The following CSRP3 variants were observed in gnomAD, a reference collection of about 807,000 sequenced individuals.
CSRP3 encodes the protein cysteine and glycine rich protein 3.
In CSRP3, 24 loss-of-function variants were observed where a neutral mutation model predicts 24.3. The ratio of observed to expected loss-of-function variants is 0.99; its 90% CI spans 0.71 to 1.39. The LOEUF (loss-of-function observed/expected upper bound fraction) is 1.39, where lower values mean the gene tolerates loss of function less well. CSRP3 is among the 40% of genes most tolerant of loss of function. CSRP3 has a pLI of 0.00. For synonymous variants in CSRP3, 105 were observed against 94.0 expected, an observed-to-expected ratio of 1.12 and a Z score of -0.68; for missense variants, 240 against 249.0, an observed-to-expected ratio of 0.96 and a Z score of 0.24.
chr11:19,188,351 C>T (rs1283315353), intron 2 of CSRP3, 47 bp from the exon 3 acceptor site: 1 of 1,602,460 alleles, frequency 6.2e-7, no homozygotes, highest in African/African-American at 1.3e-5. Context: ...AAATCCTTCT[C>T]CCCTTCTTTG....
chr11:19,183,166 A>AAATAAT (rs113201988), intron 5 of CSRP3, among the ~76,000 whole-genome samples: 122,620 of 149,806 alleles, frequency 0.82, 50,007 homozygotes, highest in Non-Finnish European at 0.88. Context: ...TCAAGAATAA[A>AAATAAT]AATAATAAAA....
chr11:19,192,583 A>G, intron 1 of CSRP3, 107 bp from the exon 2 acceptor site: 1 of 722,584 alleles, frequency 1.4e-6, no homozygotes, highest in South Asian at 1.5e-5. Context: ...ATTTTTTTTT[A>G]GTGTTTCATT....
At position 19,186,363 on chromosome 11, in the gene CSRP3, C is replaced by T. The variant is rs752833206; in HGVS notation, c.282-15G>A. Reference sequence around the variant, plus strand: ...GCTTTGGGGACCTGTTGGAAATAGACGAATGAATGAAACGTAGATTTCCCT... The same window carrying T: ...GCTTTGGGGACCTGTTGGAAATAGATGAATGAATGAAACGTAGATTTCCCT... On this transcript the variant is annotated splice_polypyrimidine_tract_variant and intron_variant, in intron 3 of 5. Transcript: ENST00000265968. 2.0e-5 allele frequency: 33 copies of T among 1,614,110 alleles called. No homozygotes were observed. The highest frequency in any genetic ancestry group is 2.5e-5 in the Non-Finnish European group (29 of 1,180,016).
chr11:19,185,031 G>C lies in CSRP3; in HGVS notation c.429C>G (p.Thr143=). Residue 143 remains threonine, a synonymous_variant, in exon 5 of 6, where the codon ACC becomes ACG. Transcript: ENST00000265968. ...VMGGGKPWHK[T]CFRCAICGKS... Reference sequence around the variant, plus strand: ...TCCCACAGATGGCACAGCGGAAACAGGTCTTGTGCCAAGGCTGAGGGGCAC... The same window carrying C: ...TCCCACAGATGGCACAGCGGAAACACGTCTTGTGCCAAGGCTGAGGGGCAC... 6.2e-7 allele frequency: 1 copy of C among 1,614,134 alleles called. No homozygotes were observed. The highest frequency in any genetic ancestry group is 8.5e-7 in the Non-Finnish European group (1 of 1,179,926).
chr11:19,182,496 A>G lies in CSRP3; in HGVS notation c.*174T>C, dbSNP rs45597034. 1.0e-3 allele frequency: 688 copies of G among 664,986 alleles called. 3 individuals carry two copies. The African/African-American group carries it at 0.011, about 11-fold the overall frequency. The allele number at this position is 664,986 out of a possible 1,614,324, so 41.2% of individuals were successfully genotyped here. A position where few individuals can be genotyped will look rare whatever the true frequency, so the allele number is the denominator to read the frequency against. On this transcript the variant is annotated 3_prime_UTR_variant, in exon 6 of 6. Transcript: ENST00000265968. The stretch of plus-strand genomic sequence containing the variant: ...ATTTGTTATAGATTAAACTTTACAT[A>G]ATTTTCTTCCAAAGGCCTCTTCTAA...
At chr11:19,184,595 T>G (rs11025048) in intron 5 of CSRP3, among the ~76,000 whole-genome samples, 11,208 of 152,248 alleles carry the variant, frequency 0.074, 488 homozygotes, top group Admixed American at 0.095. Flanking sequence ...GTTTCGATTT[T>G]TGGAAGGGGG....
At chr11:19,187,364 C>T (rs986081653) in intron 3 of CSRP3, among the ~76,000 whole-genome samples, 1 of 152,216 alleles carries the variant, frequency 6.6e-6, no homozygotes, top group Admixed American at 6.5e-5. Flanking sequence ...GGGGGAGGCC[C>T]TCCATGGGAC....
Position 19,189,249 on chromosome 11 carries a change from C to T in CSRP3, c.113-945G>A, listed in dbSNP as rs534698255. 3.3e-5 allele frequency among the ~76,000 whole-genome samples: 5 copies of T among 152,284 alleles called. No homozygotes were observed. In the South Asian group the frequency reaches 8.3e-4, roughly 25 times the overall value. On this transcript the variant is annotated intron_variant, in intron 2 of 5. Transcript: ENST00000265968. ...CAGCTCACTTTCACTTCTATCTGTA[C>T]GTTTAAAGAGGCAGCCCTGTTTTAT...
chr11:19,192,220 C>T, intron 2 of CSRP3, 117 bp downstream of exon 2: 1 of 758,046 alleles, frequency 1.3e-6, no homozygotes, highest in Non-Finnish European at 2.4e-6. Flanking sequence ...AATGCTGATG[C>T]TGCTTGTCCC....
chr11:19,192,415 C>T lies in CSRP3; in HGVS notation c.34G>A (p.Ala12Thr). 1 of 1,614,194 alleles carries T rather than the reference C, an allele frequency of 6.2e-7. No individual in the cohort carries two copies. The highest frequency in any genetic ancestry group is 1.1e-5 in the South Asian group (1 of 91,088). Reference sequence around the variant, plus strand: ...GCATGGTAGACGGTCTTTTCACAGGCTCCACATTTTGCGCCTCCGCCCCAG... The same window carrying T: ...GCATGGTAGACGGTCTTTTCACAGGTTCCACATTTTGCGCCTCCGCCCCAG... Reference protein sequence around the residue: ...PNWGGGAKCGACEKTVYHAEE... With the variant: ...PNWGGGAKCGTCEKTVYHAEE... The change falls in exon 2 of 6, where the codon GCC (alanine) becomes ACC (threonine). Residue 12 changes from alanine to threonine, a missense_variant. Coordinates refer to ENST00000265968, the MANE Select transcript of CSRP3 (RefSeq NM_003476.5).
Position 19,188,322 on chromosome 11 carries a change from G to T in CSRP3, c.113-18C>A. ...GCAGGCCACTGCCAGGAAAAGGAAG[G>T]GTCATGGGATTGGAATTGAAATCCT... On this transcript the variant is annotated intron_variant, in intron 2 of 5. Coordinates refer to ENST00000265968, the MANE Select transcript of CSRP3 (RefSeq NM_003476.5). 6.2e-7 allele frequency: 1 copy of T among 1,611,602 alleles called. No homozygotes were observed. Among genetic ancestry groups the T allele is most frequent in the South Asian group, 1.1e-5 (1 of 90,992 alleles).
At chr11:19,186,878 C>A (rs1850535293) in intron 3 of CSRP3, among the ~76,000 whole-genome samples, 1 of 152,190 alleles carries the variant, frequency 6.6e-6, no homozygotes, top group Admixed American at 6.5e-5. Flanking sequence ...GTCACCTGTC[C>A]CAGGAGAACA....
intron 2 of CSRP3, among the ~76,000 whole-genome samples, chr11:19,188,644 GTGTGTGTT>G (rs1850570138): frequency 7.0e-6 from 1 of 143,282 alleles, no homozygotes; most frequent in African/African-American, 2.6e-5. Flanking sequence ...GTGTGTGTGT[GTGTGTGTT>G]TGTGGGCGCG....
chr11:19,186,430 C>T (rs1362598242), intron 3 of CSRP3, 82 bp from the exon 4 acceptor site: 82 of 1,544,424 alleles, frequency 5.3e-5, no homozygotes, highest in Non-Finnish European at 7.2e-5. Context: ...AGAAAGTGAC[C>T]TCACTTCCGT....
intron 2 of CSRP3, 121 bp from the exon 3 acceptor site, chr11:19,188,425 A>C: frequency 2.1e-6 from 2 of 940,338 alleles, no homozygotes; most frequent in Non-Finnish European, 3.3e-6. Flanking sequence ...CAAGAATACA[A>C]TGTTGATTCC....
At chr11:19,191,066 A>G (rs1850605737) in intron 2 of CSRP3, among the ~76,000 whole-genome samples, 1 of 152,192 alleles carries the variant, frequency 6.6e-6, no homozygotes, top group Non-Finnish European at 1.5e-5. Flanking sequence ...GGATTTCCAT[A>G]TCAAGACCCC....
intron 5 of CSRP3, among the ~76,000 whole-genome samples, chr11:19,183,464 C>A (rs1020877423): frequency 6.6e-6 from 1 of 152,138 alleles, no homozygotes; most frequent in Non-Finnish European, 1.5e-5. Context: ...CCCTCCCAAA[C>A]CCACATTCAC....
intron 1 of CSRP3, among the ~76,000 whole-genome samples, chr11:19,197,956 T>C (rs1171557366): frequency 6.6e-6 from 1 of 152,132 alleles, no homozygotes; most frequent in African/African-American, 2.4e-5. Context: ...GTAGGTGCTA[T>C]TATAACATTT....
chr11:19,188,018 G>T, intron 3 of CSRP3, 118 bp downstream of exon 3: 1 of 1,168,916 alleles, frequency 8.6e-7, no homozygotes. Flanking sequence ...CCTATTGTTG[G>T]CAAGTCAACA....
Sources: gnomAD v4.1 joint callset for allele counts (sites outside exome capture counted in the v4.1 genomes callset) on GRCh38, gnomAD v4.1.1 for gene constraint, MANE v1.5 for transcripts, NCBI Gene and HGNC (gene_info 2026-07-23, HGNC 2026-07-21) for gene names.